The following TMTC2 variants were observed in gnomAD, a reference collection of about 807,000 sequenced individuals.
TMTC2 encodes the protein transmembrane O-mannosyltransferase targeting cadherins 2, also known as protein O-mannosyl-transferase TMTC2.
Under a neutral mutation model 82.4 loss-of-function variants are expected in TMTC2, and 43 were observed. The observed-to-expected ratio is 0.52, with a 90% confidence interval of 0.41 to 0.67. The LOEUF is 0.67. Ranked by LOEUF, TMTC2 falls within the 30% of genes least tolerant of loss-of-function variation. The pLI is 0.00. For synonymous variants in TMTC2, 408 were observed against 381.9 expected (o/e 1.07, Z -0.80); for missense variants, 919 against 1,012.4 (o/e 0.91, Z 1.25).
chr12:83,085,152 T>C (rs979397874), intron 11 of TMTC2, among the ~76,000 whole-genome samples: 1 of 152,182 alleles, frequency 6.6e-6, no homozygotes, highest in Non-Finnish European at 1.5e-5. Flanking sequence ...TTCTATTTGC[T>C]GTTTGTTCTG....
chr12:83,072,963 G>A (rs1049422811), intron 11 of TMTC2, among the ~76,000 whole-genome samples: 3 of 151,460 alleles, frequency 2.0e-5, no homozygotes, highest in Admixed American at 6.6e-5. Context: ...TTTAAGGAGA[G>A]CATTTAGGTC....
chr12:82,873,496 T>G (rs1233996646), intron 2 of TMTC2, among the ~76,000 whole-genome samples: 3 of 152,154 alleles, frequency 2.0e-5, no homozygotes, highest in African/African-American at 4.8e-5. Flanking sequence ...TATGATAAAT[T>G]GTAGGTCCCT....
At position 83,033,963 on chromosome 12, in the gene TMTC2, T is replaced by C. The variant is rs562272742; in HGVS notation, c.2152+3084T>C. On this transcript the variant is annotated intron_variant, in intron 9 of 11. Coordinates refer to ENST00000321196, the MANE Select transcript of TMTC2 (RefSeq NM_152588.3). ...TATTTTTGGGGGTTTGCTTTTTTTTTCCCCAAAATATTGGCAAATAGAGAC... is the reference window on the plus strand; with the variant it reads ...TATTTTTGGGGGTTTGCTTTTTTTTCCCCCAAAATATTGGCAAATAGAGAC... Among the ~76,000 whole-genome samples the C allele has an allele frequency of 2.5e-4, 38 of 151,262 alleles. 1 individual carries two copies. The highest frequency in any genetic ancestry group is 8.5e-4 in the African/African-American group (35 of 41,234).
chr12:83,091,626 G>A (rs56775467), intron 11 of TMTC2, among the ~76,000 whole-genome samples: 8,324 of 152,194 alleles, frequency 0.055, 335 homozygotes, highest in East Asian at 0.22. Context: ...GGCTACTACT[G>A]TGGTAATAAC....
At chr12:82,841,370 C>T (rs1378510010) in intron 1 of TMTC2, among the ~76,000 whole-genome samples, 1 of 152,186 alleles carries the variant, frequency 6.6e-6, no homozygotes, top group African/African-American at 2.4e-5. Flanking sequence ...GTTAATATCT[C>T]TCTTTCTCCC....
chr12:82,925,983 TTTTTTTTTG>T (rs1875684498), intron 3 of TMTC2, among the ~76,000 whole-genome samples: 1 of 65,782 alleles, frequency 1.5e-5, no homozygotes, highest in African/African-American at 4.9e-5. Context: ...AAAATTGTTT[TTTTTTTTTG>T]TTTTTTTTTT....
Position 82,687,348 on chromosome 12 carries a change from G to A in TMTC2, c.-239G>A. On this transcript the variant is annotated 5_prime_UTR_variant, in exon 1 of 12. Coordinates refer to ENST00000321196, the MANE Select transcript of TMTC2 (RefSeq NM_152588.3). ...CGCCGCTCACCGCTTGCGGGCGCCGGGCATGGGGAGTGTGGTGTGAGCCCG... is the reference window on the plus strand; with the variant it reads ...CGCCGCTCACCGCTTGCGGGCGCCGAGCATGGGGAGTGTGGTGTGAGCCCG... 1 of 565,230 alleles carries A rather than the reference G, an allele frequency of 1.8e-6. No individual in the cohort carries two copies. The highest frequency in any genetic ancestry group is 3.0e-5 in the East Asian group (1 of 33,230). The allele number at this position is 565,230 out of a possible 1,614,324, so 35.0% of individuals were successfully genotyped here. A position where few individuals can be genotyped will look rare whatever the true frequency, so the allele number is the denominator to read the frequency against.
intron 8 of TMTC2, among the ~76,000 whole-genome samples, chr12:83,028,502 G>A (rs1258232143): frequency 6.6e-6 from 1 of 152,126 alleles, no homozygotes; most frequent in Non-Finnish European, 1.5e-5. Flanking sequence ...AGTTTATATT[G>A]CAGTTCGCTC....
chr12:82,933,262 A>T (rs1470931674), intron 4 of TMTC2, among the ~76,000 whole-genome samples: 1 of 152,052 alleles, frequency 6.6e-6, no homozygotes, highest in Non-Finnish European at 1.5e-5. Context: ...AAATAGGTAA[A>T]TTTTTCAGTC....
chr12:82,838,776 T>G (rs1295932786), intron 1 of TMTC2, among the ~76,000 whole-genome samples: 1 of 142,358 alleles, frequency 7.0e-6, no homozygotes, highest in Non-Finnish European at 1.5e-5. Context: ...TTATTAATAT[T>G]TTTTCTTGTT....
chr12:82,869,536 C>A (rs1872056353), intron 2 of TMTC2, among the ~76,000 whole-genome samples: 1 of 152,090 alleles, frequency 6.6e-6, no homozygotes, highest in African/African-American at 2.4e-5. Context: ...CTCCACAACA[C>A]CACCCTCTTA....
chr12:82,868,078 A>G lies in TMTC2; in HGVS notation c.654+10498A>G, dbSNP rs545048175. 6.6e-5 allele frequency among the ~76,000 whole-genome samples: 10 copies of G among 152,320 alleles called. No homozygotes were observed. The South Asian group carries it at 2.1e-3, about 32-fold the overall frequency. ...TGCCCTGTAAAATCAGGGATATAAT[A>G]TCTTCGCTGTTTTGTGTTAAGTATG... is the stretch of plus-strand genomic sequence containing the variant. On this transcript the variant is annotated intron_variant, in intron 2 of 11. Coordinates refer to ENST00000321196, the MANE Select transcript of TMTC2 (RefSeq NM_152588.3).
intron 11 of TMTC2, among the ~76,000 whole-genome samples, chr12:83,088,930 A>T (rs1404297916): frequency 6.6e-6 from 1 of 152,198 alleles, no homozygotes; most frequent in Non-Finnish European, 1.5e-5. Context: ...CATCCATGAG[A>T]TATAGGATGC....
intron 1 of TMTC2, among the ~76,000 whole-genome samples, chr12:82,854,598 T>G (rs1384265961): frequency 6.6e-6 from 1 of 152,170 alleles, no homozygotes; most frequent in Non-Finnish European, 1.5e-5. Context: ...AAATAAATTT[T>G]TTTCTAAATG....
At chr12:82,844,606 C>G (rs1870529658) in intron 1 of TMTC2, among the ~76,000 whole-genome samples, 1 of 151,614 alleles carries the variant, frequency 6.6e-6, no homozygotes. Context: ...TCGAGACCAT[C>G]CTGGCTAACA....
At chr12:82,873,408 G>A (rs147921396) in intron 2 of TMTC2, among the ~76,000 whole-genome samples, 173 of 152,200 alleles carry the variant, frequency 1.1e-3, no homozygotes, top group Non-Finnish European at 2.0e-3. Flanking sequence ...TGGCACTGAA[G>A]TTTGAGTAAT....
chr12:82,859,067 ATTTTTT>A (rs1224587372), intron 2 of TMTC2, among the ~76,000 whole-genome samples: 1 of 130,494 alleles, frequency 7.7e-6, no homozygotes, highest in African/African-American at 2.8e-5. Flanking sequence ...AAATATTGTG[ATTTTTT>A]TTTTTTTTTT....
chr12:82,815,367 A>G (rs1047001029), intron 1 of TMTC2, among the ~76,000 whole-genome samples: 3 of 149,320 alleles, frequency 2.0e-5, no homozygotes, highest in Admixed American at 1.3e-4. Flanking sequence ...CTGGAGTGCA[A>G]TGGTGCTATC....
At chr12:83,012,380 AAAGT>A (rs1169315037) in intron 8 of TMTC2, among the ~76,000 whole-genome samples, 1 of 152,194 alleles carries the variant, frequency 6.6e-6, no homozygotes, top group Non-Finnish European at 1.5e-5. Flanking sequence ...TAAGTGGGTT[AAAGT>A]AAGTAAGAGT....
Sources: allele counts gnomAD v4.1 joint callset (sites outside exome capture counted in the v4.1 genomes callset), GRCh38; gene constraint gnomAD v4.1.1; transcripts MANE v1.5; gene names NCBI Gene and HGNC (gene_info 2026-07-23, HGNC 2026-07-21).